LRFN2: variants seen among roughly 807,000 people sequenced by gnomAD.
The protein encoded by LRFN2 is leucine rich repeat and fibronectin type III domain containing 2, also known as leucine-rich repeat and fibronectin type-III domain-containing protein 2.
Under a neutral mutation model 37.3 loss-of-function variants are expected in LRFN2, and 18 were observed. That is an observed-to-expected ratio of 0.48 (90% confidence interval 0.33 to 0.72). The LOEUF is 0.72. Among genes scored for constraint, LRFN2 ranks in the 30% least tolerant of loss-of-function variants. LRFN2 has a pLI of 0.02. For synonymous variants in LRFN2, 556 were observed against 466.6 expected (o/e 1.19, Z -2.47); for missense variants, 1,006 against 1,060.7 (o/e 0.95, Z 0.72).
intron 1 of LRFN2, among the ~76,000 whole-genome samples, chr6:40,481,753 G>A (rs1251147554): frequency 6.6e-6 from 1 of 152,118 alleles, no homozygotes; most frequent in African/African-American, 2.4e-5. Context: ...GCTAGCAGAA[G>A]GGCAGTGTTC....
chr6:40,468,018 C>T (rs1470778302), intron 1 of LRFN2, among the ~76,000 whole-genome samples: 1 of 152,134 alleles, frequency 6.6e-6, no homozygotes, highest in African/African-American at 2.4e-5. Context: ...CCAGTCCCTG[C>T]TCATGACCTT....
At chr6:40,448,704 C>T (rs1303162172) in intron 1 of LRFN2, among the ~76,000 whole-genome samples, 1 of 152,192 alleles carries the variant, frequency 6.6e-6, no homozygotes, top group African/African-American at 2.4e-5. Context: ...GGAGAGATTA[C>T]AAGGCTGGGA....
chr6:40,392,992 A>C lies in LRFN2; in HGVS notation c.1401-80T>G. The stretch of plus-strand genomic sequence containing the variant: ...TGATGGGGAGTGGACAGAGGTAGAA[A>C]CAGAGTGACAGAGATGGGGAGGGGG... On this transcript the variant is annotated intron_variant, in intron 2 of 2. Coordinates refer to ENST00000338305, the MANE Select transcript of LRFN2 (RefSeq NM_020737.3). The surrounding 1 kb of genome is among the most constrained non-coding windows in gnomAD (Gnocchi z 4.7). 1 of 1,194,980 alleles carries C rather than the reference A, an allele frequency of 8.4e-7. No individual in the cohort carries two copies. Among genetic ancestry groups the C allele is most frequent in the Non-Finnish European group, 1.1e-6 (1 of 876,430 alleles). 74.0% of individuals were successfully genotyped at this position (1,194,980 alleles called of 1,614,324 possible).
intron 1 of LRFN2, among the ~76,000 whole-genome samples, chr6:40,500,931 T>G (rs1463693818): frequency 6.7e-6 from 1 of 148,880 alleles, no homozygotes; most frequent in African/African-American, 2.5e-5. Context: ...TTTCCTTTTG[T>G]ACGCTTCTGT....
In LRFN2 at chr6:40,432,345, C is replaced by G. The variant is rs143433322; in HGVS notation, c.769G>C (p.Glu257Gln). ...NCELLWLRRLERDDDLETCGS... is the reference protein window; with the variant it reads ...NCELLWLRRLQRDDDLETCGS... ...CAGGTTTCCAGGTCATCGTCCCGCT[C>G]GAGCCTCCGCAGCCAGAGAAGCTCA... Residue 257 changes from glutamate to glutamine, a missense_variant, in exon 2 of 3, where the codon GAG becomes CAG. Physicochemically the swap from Glu to Gln is conservative, Grantham distance 29. Coordinates refer to ENST00000338305, the MANE Select transcript of LRFN2 (RefSeq NM_020737.3). 6 of 1,614,016 alleles carry G rather than the reference C, an allele frequency of 3.7e-6. No individual in the cohort carries two copies. Among genetic ancestry groups the G allele is most frequent in the East Asian group, 4.5e-5 (2 of 44,884 alleles).
intron 1 of LRFN2, among the ~76,000 whole-genome samples, chr6:40,586,457 C>T (rs1275794540): frequency 6.6e-6 from 1 of 152,206 alleles, no homozygotes; most frequent in Non-Finnish European, 1.5e-5. Context: ...CTCCCATCCG[C>T]TCTGCATCAA....
chr6:40,520,830 G>A lies in LRFN2; in HGVS notation c.-19+66111C>T, dbSNP rs537206555. On this transcript the variant is annotated intron_variant, in intron 1 of 2. Transcript: ENST00000338305. Reference sequence around the variant, plus strand: ...CAGATGCTTGGCCGTGAATGTAGCTGGGGAGGCTGCCAACCCCATATCACC... The same window carrying A: ...CAGATGCTTGGCCGTGAATGTAGCTAGGGAGGCTGCCAACCCCATATCACC... Among the ~76,000 whole-genome samples, 162 of 152,246 alleles carry A rather than the reference G, an allele frequency of 1.1e-3. 1 individual carries two copies. Among genetic ancestry groups the A allele is most frequent in the African/African-American group, 3.4e-3 (142 of 41,556 alleles).
At chr6:40,487,589 T>C (rs890564855) in intron 1 of LRFN2, among the ~76,000 whole-genome samples, 2 of 152,222 alleles carry the variant, frequency 1.3e-5, no homozygotes, top group Admixed American at 6.5e-5. Flanking sequence ...GAAAGGTGCA[T>C]GGCCTCTGGC....
At chr6:40,528,496 A>G (rs1314157872) in intron 1 of LRFN2, among the ~76,000 whole-genome samples, 1 of 152,212 alleles carries the variant, frequency 6.6e-6, no homozygotes, top group East Asian at 1.9e-4. Flanking sequence ...TGTGGAGCTA[A>G]GGTGGACCCT....
At chr6:40,410,737 G>T (rs1354988091) in intron 2 of LRFN2, among the ~76,000 whole-genome samples, 1 of 152,178 alleles carries the variant, frequency 6.6e-6, no homozygotes, top group East Asian at 1.9e-4. Context: ...GACCCCTCCT[G>T]GTGGCAGAAG....
At chr6:40,515,906 A>T (rs1765856032) in intron 1 of LRFN2, among the ~76,000 whole-genome samples, 1 of 151,582 alleles carries the variant, frequency 6.6e-6, no homozygotes, top group Admixed American at 6.6e-5. Context: ...AAAAAAAAAA[A>T]AAAAAAAAGA....
At chr6:40,508,883 C>T (rs1443277233) in intron 1 of LRFN2, among the ~76,000 whole-genome samples, 3 of 152,184 alleles carry the variant, frequency 2.0e-5, no homozygotes, top group Non-Finnish European at 4.4e-5. Flanking sequence ...CTTGGATATG[C>T]CATGGGCCCT....
intron 1 of LRFN2, among the ~76,000 whole-genome samples, chr6:40,435,763 C>A (rs761342876): frequency 6.6e-6 from 1 of 152,164 alleles, no homozygotes; most frequent in Non-Finnish European, 1.5e-5. Context: ...TGGTCTCGAT[C>A]TCCTGACCTT....
intron 2 of LRFN2, among the ~76,000 whole-genome samples, chr6:40,427,811 C>G (rs921351247): frequency 1.3e-5 from 2 of 152,202 alleles, no homozygotes; most frequent in African/African-American, 2.4e-5. Flanking sequence ...GAATCACCAC[C>G]ATAGGCTTGA....
chr6:40,554,760 C>G (rs1000172821), intron 1 of LRFN2, among the ~76,000 whole-genome samples: 17 of 152,074 alleles, frequency 1.1e-4, no homozygotes, highest in Non-Finnish European at 2.2e-4. Context: ...CTTGACTCCC[C>G]CTCTGAAAAA....
At chr6:40,495,566 T>C (rs549906049) in intron 1 of LRFN2, among the ~76,000 whole-genome samples, 5 of 152,262 alleles carry the variant, frequency 3.3e-5, no homozygotes, top group Middle Eastern at 3.4e-3. Context: ...TCTTGTCCAC[T>C]CTCCTCATGG....
At position 40,434,087 on chromosome 6, in the gene LRFN2, A is replaced by G. The variant is rs1332981684; in HGVS notation, c.-18-956T>C. On this transcript the variant is annotated intron_variant, in intron 1 of 2. Transcript: ENST00000338305. Reference sequence around the variant, plus strand: ...CTCTGCTCTGTATTTTCTCCTTGCAACTAATCCCTATCTATGTTTTAACTA... The same window carrying G: ...CTCTGCTCTGTATTTTCTCCTTGCAGCTAATCCCTATCTATGTTTTAACTA... Among the ~76,000 whole-genome samples the G allele has an allele frequency of 3.9e-5, 6 of 152,198 alleles. No homozygotes were observed. The East Asian group carries it at 1.2e-3, about 29-fold the overall frequency.
intron 1 of LRFN2, among the ~76,000 whole-genome samples, chr6:40,458,615 T>C (rs1581721788): frequency 6.6e-6 from 1 of 152,112 alleles, no homozygotes; most frequent in African/African-American, 2.4e-5. Context: ...ACCCCATCCC[T>C]CCTCCAGGGT....
intron 1 of LRFN2, among the ~76,000 whole-genome samples, chr6:40,477,153 C>T (rs151244261): frequency 1.1e-3 from 172 of 152,256 alleles, no homozygotes; most frequent in Middle Eastern, 3.4e-3. Context: ...GGGAATGGGA[C>T]CCAGAGTATT....
Sources: gnomAD v4.1 joint callset for allele counts (sites outside exome capture counted in the v4.1 genomes callset) on GRCh38, gnomAD v4.1.1 for gene constraint, Gnocchi (gnomAD v3.1) non-coding constraint, MANE v1.5 for transcripts, NCBI Gene and HGNC (gene_info 2026-07-23, HGNC 2026-07-21) for gene names.